DPP10: variants seen among roughly 807,000 people sequenced by gnomAD.
DPP10 encodes the protein dipeptidyl peptidase like 10, also known as inactive dipeptidyl peptidase 10.
A neutral mutation model predicts 120.9 loss-of-function variants in DPP10; 33 were observed. The observed-to-expected ratio is 0.27, with a 90% confidence interval of 0.21 to 0.37. DPP10 has a LOEUF of 0.37. DPP10 is among the 10% of genes least tolerant of loss of function. DPP10 has a pLI of 1.00. For synonymous variants in DPP10, 337 were observed against 326.1 expected, an observed-to-expected ratio of 1.03 and a Z score of -0.36; for missense variants, 816 against 942.8, an observed-to-expected ratio of 0.87 and a Z score of 1.76.
intron 1 of DPP10, among the ~76,000 whole-genome samples, chr2:115,267,727 C>G (rs751820259): frequency 1.2e-4 from 18 of 152,134 alleles, no homozygotes; most frequent in Non-Finnish European, 2.4e-4. Flanking sequence ...TAGGTAAACA[C>G]AATTCCAATT....
chr2:114,444,835 T>C (rs1451031562), intron 1 of DPP10, among the ~76,000 whole-genome samples: 1 of 152,196 alleles, frequency 6.6e-6, no homozygotes, highest in Non-Finnish European at 1.5e-5. Context: ...AGCAAAAAAA[T>C]GCTTGTGATG....
intron 1 of DPP10, among the ~76,000 whole-genome samples, chr2:115,154,057 A>T (rs2051738464): frequency 6.6e-6 from 1 of 152,222 alleles, no homozygotes. Flanking sequence ...ATCTTCTGAG[A>T]TTGAGCATAA....
At chr2:114,641,655 T>C (rs1573863330) in intron 1 of DPP10, among the ~76,000 whole-genome samples, 1 of 152,118 alleles carries the variant, frequency 6.6e-6, no homozygotes, top group East Asian at 1.9e-4. Context: ...AAGTATTCTC[T>C]AATGAGGAAC....
In DPP10 at chr2:115,710,307, T is replaced by C. The variant is rs1477776242; in HGVS notation, c.577-17509T>C. On this transcript the variant is annotated intron_variant, in intron 7 of 25. Coordinates refer to ENST00000410059, the MANE Select transcript of DPP10 (RefSeq NM_020868.6). Reference sequence around the variant, plus strand: ...AATTTCTGTATAAAACGTATTACTGTTAAAAGCAAAAATGACAGTATGGGG... The same window carrying C: ...AATTTCTGTATAAAACGTATTACTGCTAAAAGCAAAAATGACAGTATGGGG... Among the ~76,000 whole-genome samples, 3 of 152,128 alleles carry C rather than the reference T, an allele frequency of 2.0e-5. No homozygotes were observed. In the East Asian group the frequency reaches 5.8e-4, roughly 29 times the overall value.
At chr2:115,382,178 G>T (rs1038143856) in intron 3 of DPP10, among the ~76,000 whole-genome samples, 1 of 152,172 alleles carries the variant, frequency 6.6e-6, no homozygotes, top group Non-Finnish European at 1.5e-5. Context: ...CTTGCAGTTT[G>T]ATCTCAGACT....
intron 1 of DPP10, among the ~76,000 whole-genome samples, chr2:114,733,593 G>T (rs1170219007): frequency 1.3e-5 from 2 of 152,076 alleles, no homozygotes; most frequent in Non-Finnish European, 2.9e-5. Context: ...AGCTGATAAG[G>T]TTCCCAGCCT....
At chr2:114,457,589 A>G (rs10192711) in intron 1 of DPP10, among the ~76,000 whole-genome samples, 19,233 of 152,158 alleles carry the variant, frequency 0.13, 2,898 homozygotes, top group African/African-American at 0.36. Flanking sequence ...AGGATGCAGC[A>G]TTTGTCAATC....
Position 115,452,103 on chromosome 2 carries a change from A to T in DPP10, c.272-47407A>T, listed in dbSNP as rs560543150. On this transcript the variant is annotated intron_variant, in intron 3 of 25. Coordinates refer to ENST00000410059, the MANE Select transcript of DPP10 (RefSeq NM_020868.6). ...GAGCAGAACTAGAACAGATTTTCTC[A>T]TTCTCAGTTATCTTTTCTCATTACT... Among the ~76,000 whole-genome samples the T allele has an allele frequency of 5.3e-5, 8 of 151,996 alleles. No homozygotes were observed. In the South Asian group the frequency reaches 1.0e-3, roughly 20 times the overall value.
chr2:114,996,446 T>G (rs568786308), intron 1 of DPP10, among the ~76,000 whole-genome samples: 5 of 152,226 alleles, frequency 3.3e-5, no homozygotes, highest in Non-Finnish European at 5.9e-5. Flanking sequence ...TTTAATGTTT[T>G]TCTTCTTTTT....
intron 1 of DPP10, among the ~76,000 whole-genome samples, chr2:114,855,555 AC>A (rs1488757956): frequency 6.6e-6 from 1 of 152,140 alleles, no homozygotes; most frequent in African/African-American, 2.4e-5. Context: ...TATGAACACA[AC>A]TTCCTTCTCT....
chr2:115,841,855 A>G (rs1690182726), intron 25 of DPP10, among the ~76,000 whole-genome samples: 1 of 152,166 alleles, frequency 6.6e-6, no homozygotes, highest in African/African-American at 2.4e-5. Flanking sequence ...AAGAGCTGGA[A>G]AGTTTTCTAA....
intron 1 of DPP10, among the ~76,000 whole-genome samples, chr2:115,170,200 A>G (rs937382061): frequency 2.0e-5 from 3 of 152,220 alleles, no homozygotes; most frequent in African/African-American, 7.2e-5. Context: ...CATTAATCAC[A>G]TCTCACCTCC....
At chr2:114,740,898 A>T (rs554117331) in intron 1 of DPP10, among the ~76,000 whole-genome samples, 1 of 152,266 alleles carries the variant, frequency 6.6e-6, no homozygotes, top group East Asian at 1.9e-4. Flanking sequence ...ACTTCATGAT[A>T]CCATAGTTTA....
At chr2:115,545,917 A>G (rs1035406005) in intron 5 of DPP10, among the ~76,000 whole-genome samples, 1 of 152,078 alleles carries the variant, frequency 6.6e-6, no homozygotes, top group Admixed American at 6.6e-5. Flanking sequence ...AGTAGATGTC[A>G]TGGTCCCCCC....
At chr2:115,025,175 G>T (rs1253009983) in intron 1 of DPP10, among the ~76,000 whole-genome samples, 2 of 114,166 alleles carry the variant, frequency 1.8e-5, no homozygotes, top group Admixed American at 2.1e-4. Context: ...CTCAGCCTCT[G>T]GTAACCACCA....
chr2:114,874,253 G>C (rs913811193), intron 1 of DPP10, among the ~76,000 whole-genome samples: 1 of 152,200 alleles, frequency 6.6e-6, no homozygotes, highest in East Asian at 1.9e-4. Flanking sequence ...AATAAGCCAA[G>C]TGAATCGACT....
chr2:114,994,015 G>A (rs1179034334), intron 1 of DPP10, among the ~76,000 whole-genome samples: 1 of 151,858 alleles, frequency 6.6e-6, no homozygotes, highest in African/African-American at 2.4e-5. Context: ...TTTCCATTAT[G>A]TTTATTCTTC....
chr2:114,703,114 G>A (rs543492156), intron 1 of DPP10, among the ~76,000 whole-genome samples: 1 of 152,168 alleles, frequency 6.6e-6, no homozygotes, highest in African/African-American at 2.4e-5. Flanking sequence ...AATAATTAAA[G>A]TATATGTGAA....
intron 1 of DPP10, among the ~76,000 whole-genome samples, chr2:114,540,607 T>A (rs1686874427): frequency 6.6e-6 from 1 of 152,228 alleles, no homozygotes; most frequent in Non-Finnish European, 1.5e-5. Flanking sequence ...CACTAAATAT[T>A]TTTCTATTTA....
Sources: allele counts gnomAD v4.1 joint callset (sites outside exome capture counted in the v4.1 genomes callset), GRCh38; gene constraint gnomAD v4.1.1; transcripts MANE v1.5; gene names NCBI Gene and HGNC (gene_info 2026-07-23, HGNC 2026-07-21).